RAB7A: variants seen among roughly 807,000 people sequenced by gnomAD.
The protein encoded by RAB7A is ras-related protein Rab-7a.
A neutral mutation model predicts 24.5 loss-of-function variants in RAB7A; 2 were observed. The observed-to-expected ratio is 0.08, with a 90% confidence interval of 0.03 to 0.26. The LOEUF (loss-of-function observed/expected upper bound fraction) is 0.26. Ranked by LOEUF, RAB7A falls within the 10% of genes least tolerant of loss-of-function variation. RAB7A has a pLI of 1.00. For missense variants in RAB7A, 118 were observed against 255.7 expected (o/e 0.46, Z 3.67); for synonymous variants, 100 against 95.9 (o/e 1.04, Z -0.25).
intron 1 of RAB7A, among the ~76,000 whole-genome samples, chr3:128,756,575 A>C (rs2070731140): frequency 6.6e-6 from 1 of 152,196 alleles, no homozygotes. Context: ...TTAGGATCAC[A>C]GTACTCCCCA....
intron 1 of RAB7A, chr3:128,785,248 A>G (rs1005987375): frequency 3.9e-5 from 6 of 151,960 alleles, no homozygotes; most frequent in African/African-American, 9.7e-5. Flanking sequence ...CATTATACCA[A>G]TTGGGTGTCT....
intron 3 of RAB7A, among the ~76,000 whole-genome samples, chr3:128,803,765 G>A (rs1450145277): frequency 6.6e-6 from 1 of 152,164 alleles, no homozygotes; most frequent in Non-Finnish European, 1.5e-5. Flanking sequence ...GGATGATAAT[G>A]TTTATGTAAG....
At chr3:128,791,444 A>G (rs1267112570) in intron 1 of RAB7A, among the ~76,000 whole-genome samples, 1 of 152,172 alleles carries the variant, frequency 6.6e-6, no homozygotes, top group Admixed American at 6.5e-5. Flanking sequence ...CCTGGCCAAA[A>G]CTTTGCTCTG....
intron 1 of RAB7A, among the ~76,000 whole-genome samples, chr3:128,743,653 G>GC (rs2070578851): frequency 6.6e-6 from 1 of 152,182 alleles, no homozygotes; most frequent in Non-Finnish European, 1.5e-5. Context: ...TACAGTCTCT[G>GC]AACAAAATCA....
At chr3:128,762,801 T>A (rs2070785693) in intron 1 of RAB7A, among the ~76,000 whole-genome samples, 1 of 152,220 alleles carries the variant, frequency 6.6e-6, no homozygotes, top group African/African-American at 2.4e-5. Context: ...TAATGTGGAA[T>A]AGCTTCACAG....
At chr3:128,791,700 A>G (rs1576296909) in intron 1 of RAB7A, among the ~76,000 whole-genome samples, 1 of 152,156 alleles carries the variant, frequency 6.6e-6, no homozygotes, top group East Asian at 1.9e-4. Context: ...GTTTCATGGA[A>G]CACAGTGACT....
intron 3 of RAB7A, among the ~76,000 whole-genome samples, chr3:128,801,779 C>T (rs892386536): frequency 4.6e-5 from 7 of 151,958 alleles, no homozygotes; most frequent in Admixed American, 6.6e-5. Context: ...TGAGAATTTT[C>T]GAGAATTGGT....
intron 1 of RAB7A, among the ~76,000 whole-genome samples, chr3:128,747,913 A>G (rs566291729): frequency 6.6e-6 from 1 of 151,796 alleles, no homozygotes; most frequent in South Asian, 2.1e-4. Flanking sequence ...GATTGCAGGC[A>G]CGTGCCACCA....
In RAB7A at chr3:128,802,327, A is replaced by G. The variant is rs182010919; in HGVS notation, c.181-4045A>G. On this transcript the variant is annotated intron_variant, in intron 3 of 5. Coordinates refer to ENST00000265062, the MANE Select transcript of RAB7A (RefSeq NM_004637.6). ...TGATTAGTATCTTAGATGGAATCAA[A>G]TAGGCATGACAAATTTCCAGGGAAC... is the stretch of plus-strand genomic sequence containing the variant. Among the ~76,000 whole-genome samples the G allele has an allele frequency of 6.6e-5, 10 of 152,290 alleles. No homozygotes were observed. The East Asian group carries it at 1.7e-3, about 26-fold the overall frequency.
intron 1 of RAB7A, among the ~76,000 whole-genome samples, chr3:128,738,596 C>T (rs2070515913): frequency 1.3e-5 from 2 of 152,250 alleles, no homozygotes; most frequent in Admixed American, 1.3e-4. Context: ...TGACCACTTA[C>T]GTCTATAGTG....
intron 5 of RAB7A, 146 bp downstream of exon 5, chr3:128,807,817 A>G: frequency 8.0e-7 from 1 of 1,244,104 alleles, no homozygotes; most frequent in Non-Finnish European, 1.1e-6. Context: ...TGGGAAGGTT[A>G]TGACATGTTC....
chr3:128,795,549 C>T, intron 2 of RAB7A, 129 bp downstream of exon 2: 1 of 842,064 alleles, frequency 1.2e-6, no homozygotes, highest in South Asian at 1.4e-5. Flanking sequence ...TGTTTCCCTC[C>T]ACGGCAGAAA....
At chr3:128,780,750 G>A (rs1171971704) in intron 1 of RAB7A, among the ~76,000 whole-genome samples, 2 of 152,186 alleles carry the variant, frequency 1.3e-5, no homozygotes, top group Non-Finnish European at 2.9e-5. Flanking sequence ...GAAGTGGATA[G>A]GATCATGAGT....
At chr3:128,737,724 C>T (rs938323399) in intron 1 of RAB7A, among the ~76,000 whole-genome samples, 9 of 150,928 alleles carry the variant, frequency 6.0e-5, no homozygotes, top group Admixed American at 4.0e-4. Flanking sequence ...CATGGCTCAC[C>T]GCAGCCACGC....
intron 1 of RAB7A, among the ~76,000 whole-genome samples, chr3:128,789,626 G>T (rs1318570745): frequency 3.3e-5 from 5 of 151,716 alleles, no homozygotes; most frequent in African/African-American, 1.2e-4. Flanking sequence ...AGTCACCCAT[G>T]CCTGGCCATA....
At chr3:128,764,985 C>T in intron 1 of RAB7A, 1 of 1,595,422 alleles carries the variant, frequency 6.3e-7, no homozygotes, top group Non-Finnish European at 8.5e-7. Flanking sequence ...GGTGGTAGTT[C>T]TGGCGCACCT....
At chr3:128,743,573 A>G (rs2070578040) in intron 1 of RAB7A, among the ~76,000 whole-genome samples, 1 of 152,206 alleles carries the variant, frequency 6.6e-6, no homozygotes, top group Admixed American at 6.5e-5. Flanking sequence ...CAAAGACATT[A>G]GAGCAACTGT....
chr3:128,805,746 A>C (rs780034074), intron 3 of RAB7A, among the ~76,000 whole-genome samples: 22 of 151,986 alleles, frequency 1.4e-4, no homozygotes, highest in Non-Finnish European at 3.1e-4. Context: ...TGCGCCTCCC[A>C]GGTTCAAGCA....
chr3:128,738,204 G>GT (rs1220393054), intron 1 of RAB7A, among the ~76,000 whole-genome samples: 2 of 151,758 alleles, frequency 1.3e-5, no homozygotes, highest in Non-Finnish European at 1.5e-5. Context: ...AGTTAATTTT[G>GT]TTTTTTTGAT....
Sources: allele counts gnomAD v4.1 joint callset (sites outside exome capture counted in the v4.1 genomes callset), GRCh38; gene constraint gnomAD v4.1.1; transcripts MANE v1.5; gene names NCBI Gene and HGNC (gene_info 2026-07-23, HGNC 2026-07-21).